The following OLR1 variants were observed in gnomAD, a reference collection of about 807,000 sequenced individuals.
OLR1 encodes oxidized low-density lipoprotein receptor 1.
In OLR1, 23 loss-of-function variants were observed where a neutral mutation model predicts 31.7. The ratio of observed to expected loss-of-function variants is 0.72; its 90% confidence interval spans 0.52 to 1.03. OLR1 has a LOEUF of 1.03. Ranked by LOEUF, OLR1 falls within the 50% of genes least tolerant of loss-of-function variation. The pLI is 0.00. For synonymous variants in OLR1, 117 were observed against 115.8 expected, an observed-to-expected ratio of 1.01 and a Z score of -0.07; for missense variants, 286 against 315.7, an observed-to-expected ratio of 0.91 and a Z score of 0.71.
intron 3 of OLR1, among the ~76,000 whole-genome samples, chr12:10,165,882 G>A (rs1247784019): frequency 6.6e-6 from 1 of 152,132 alleles, no homozygotes; most frequent in Non-Finnish European, 1.5e-5. Context: ...ATTTTTCAAG[G>A]ATTTGACACA....
rs1948598279 is a variant in OLR1, at chr12:10,159,130, C to G, written c.*750G>C. On this transcript the variant is annotated 3_prime_UTR_variant, in exon 6 of 6. Coordinates refer to ENST00000309539, the MANE Select transcript of OLR1 (RefSeq NM_002543.4). ...ACACATCCCATGATTCTAACAAGAA[C>G]TGTTGTGAAGGGTTAAATCTATTAA... 1 of 152,020 alleles carries G rather than the reference C, an allele frequency of 6.6e-6. No homozygotes were observed. Among genetic ancestry groups the G allele is most frequent in the Non-Finnish European group, 1.5e-5 (1 of 68,022 alleles). The allele number at this position is 152,020 out of a possible 1,614,324, so 9.4% of individuals were successfully genotyped here.
chr12:10,161,942 T>TA, intron 3 of OLR1, among the ~76,000 whole-genome samples: 1 of 46,334 alleles, frequency 2.2e-5, no homozygotes, highest in East Asian at 3.3e-4. Flanking sequence ...TATATATATA[T>TA]ATAAAAAACA....
Position 10,169,194 on chromosome 12 carries a change from G to A in OLR1, c.77-19C>T. Reference sequence around the variant, plus strand: ...TGAAGACCTAGAGTGACAGAGGATAGAATCAGAAAGACAAAAAAGAGTGAA... The same window carrying A: ...TGAAGACCTAGAGTGACAGAGGATAAAATCAGAAAGACAAAAAAGAGTGAA... On this transcript the variant is annotated intron_variant, in intron 1 of 5. Coordinates refer to ENST00000309539, the MANE Select transcript of OLR1 (RefSeq NM_002543.4). 1 of 1,563,344 alleles carries A rather than the reference G, an allele frequency of 6.4e-7. No homozygotes were observed. The highest frequency in any genetic ancestry group is 1.4e-5 in the African/African-American group (1 of 73,098).
At position 10,159,063 on chromosome 12, in the gene OLR1, T is replaced by A. The variant is rs1235616621; in HGVS notation, c.*817A>T. On this transcript the variant is annotated 3_prime_UTR_variant, in exon 6 of 6. Transcript: ENST00000309539. Reference sequence around the variant, plus strand: ...TTGAGAAGAGTTCATCTACAAAAGGTATGTTCTTTAGGGAAAGAAATTCTA... The same window carrying A: ...TTGAGAAGAGTTCATCTACAAAAGGAATGTTCTTTAGGGAAAGAAATTCTA... 1 of 152,180 alleles carries A rather than the reference T, an allele frequency of 6.6e-6. No individual in the cohort carries two copies. Among genetic ancestry groups the A allele is most frequent in the East Asian group, 1.9e-4 (1 of 5,200 alleles). 9.4% of individuals were successfully genotyped at this position (152,180 alleles called of 1,614,324 possible).
At chr12:10,172,173 T>G (rs988608557), upstream of OLR1, 4 of 779,906 alleles carry the variant, frequency 5.1e-6, no homozygotes, top group Non-Finnish European at 6.6e-6. Flanking sequence ...AAATAGCTAC[T>G]GTTATCTAAT....
At chr12:10,170,951 T>C (rs1948710310) in intron 1 of OLR1, 1 of 152,140 alleles carries the variant, frequency 6.6e-6, no homozygotes, top group African/African-American at 2.4e-5. Flanking sequence ...TTTCCAATCA[T>C]AAACCAATCC....
rs1483526888 is a variant in OLR1, at chr12:10,159,032, A to G, written c.*848T>C. On this transcript the variant is annotated 3_prime_UTR_variant, in exon 6 of 6. Transcript: ENST00000309539. ...TGTTTCGGAATTATAGCATAGCAAA[A>G]CAGAGTTGAGAAGAGTTCATCTACA... The G allele has an allele frequency of 1.3e-5, 2 of 152,192 alleles. No homozygotes were observed. The highest frequency in any genetic ancestry group is 2.4e-5 in the African/African-American group (1 of 41,444). 9.4% of individuals were successfully genotyped at this position (152,192 alleles called of 1,614,324 possible).
chr12:10,159,954 C>T lies in OLR1; in HGVS notation c.748G>A (p.Ala250Thr). ...AAAATGCAGTTTTCCGCATAAACAG[C>T]TCCTCGTTGTATATATGCACAGGTA... Reference protein sequence around the residue: ...SGTCAYIQRGAVYAENCILAA... With the variant: ...SGTCAYIQRGTVYAENCILAA... The change falls in exon 6 of 6, where the codon GCT becomes ACT. Residue 250 changes from alanine to threonine, a missense_variant. Transcript: ENST00000309539. 3.1e-6 allele frequency: 5 copies of T among 1,614,018 alleles called. No homozygotes were observed. The highest frequency in any genetic ancestry group is 4.2e-6 in the Non-Finnish European group (5 of 1,179,946).
chr12:10,160,090 CTT>C, intron 5 of OLR1, 69 bp from the exon 6 acceptor site: 1 of 1,526,602 alleles, frequency 6.6e-7, no homozygotes, highest in Non-Finnish European at 8.8e-7. Flanking sequence ...GTTTCAGAAA[CTT>C]AGCTTTTGAA....
Position 10,166,780 on chromosome 12 carries a change from T to C in OLR1, c.356A>G (p.Glu119Gly). The C allele has an allele frequency of 1.2e-6, 2 of 1,614,016 alleles. No homozygotes were observed. The highest frequency in any genetic ancestry group is 1.7e-6 in the Non-Finnish European group (2 of 1,180,008). Residue 119 changes from glutamate to glycine, a missense_variant, in exon 3 of 6, where the codon GAG (glutamate) becomes GGG (glycine). Transcript: ENST00000309539. Reference sequence around the variant, plus strand: ...ATTCTGGTGGTGAAGTTCCATTTGCTCTTTGGATTTCTCATTCAGCTTCCG... The same window carrying C: ...ATTCTGGTGGTGAAGTTCCATTTGCCCTTTGGATTTCTCATTCAGCTTCCG... ...LARKLNEKSKEQMELHHQNLN... is the reference protein window; with the variant it reads ...LARKLNEKSKGQMELHHQNLN...
upstream of OLR1, among the ~76,000 whole-genome samples, chr12:10,174,989 G>C (rs1014747609): frequency 6.6e-6 from 1 of 152,090 alleles, no homozygotes; most frequent in Non-Finnish European, 1.5e-5. Flanking sequence ...TCCATTGATG[G>C]ACGTTTGGGT....
chr12:10,163,715 G>A (rs1346892149), intron 3 of OLR1, among the ~76,000 whole-genome samples: 1 of 151,932 alleles, frequency 6.6e-6, no homozygotes, highest in Non-Finnish European at 1.5e-5. Context: ...GGTGGATCAC[G>A]AGATCAGGGG....
chr12:10,167,700 G>T (rs1166336241), intron 2 of OLR1: 2 of 151,950 alleles, frequency 1.3e-5, no homozygotes, highest in African/African-American at 4.8e-5. Flanking sequence ...TAAGAACTGT[G>T]ACATACACCC....
At chr12:10,163,703 T>G (rs11053650) in intron 3 of OLR1, among the ~76,000 whole-genome samples, 64,745 of 151,288 alleles carry the variant, frequency 0.43, 16,164 homozygotes, top group Middle Eastern at 0.58. Context: ...GAGGCCAAGG[T>G]GGGTGGATCA....
At position 10,159,707 on chromosome 12, in the gene OLR1, T is replaced by C; in HGVS notation, c.*173A>G. 1.9e-6 allele frequency: 1 copy of C among 522,148 alleles called. No individual in the cohort carries two copies. The highest frequency in any genetic ancestry group is 3.4e-6 in the Non-Finnish European group (1 of 297,668). 32.3% of individuals were successfully genotyped at this position (522,148 alleles called of 1,614,324 possible). ...TAATACAGGTAGCTAGAATCAAAAA[T>C]GTTGACATAAAGGTGCCAGGCTCCT... is the stretch of plus-strand genomic sequence containing the variant. On this transcript the variant is annotated 3_prime_UTR_variant, in exon 6 of 6. Transcript: ENST00000309539.
chr12:10,171,353 GATTATGAATTAATTTATA>G (rs1315783897), intron 1 of OLR1, among the ~76,000 whole-genome samples: 1 of 152,150 alleles, frequency 6.6e-6, no homozygotes, highest in African/African-American at 2.4e-5. Context: ...GTGGAATTGG[GATTATGAATTAATTTATA>G]GCTATGCAAT....
Position 10,169,127 on chromosome 12 carries a change from A to G in OLR1, c.125T>C (p.Leu42Pro), listed in dbSNP as rs1163080524. Residue 42 changes from leucine (L) to proline (P), a missense_variant, in exon 2 of 6, where the codon CTA becomes CCA. Leu to Pro is a moderately conservative substitution (Grantham distance 98). Coordinates refer to ENST00000309539, the MANE Select transcript of OLR1 (RefSeq NM_002543.4). ...TACTAATCCCAGGCAAAGGACCCCTAGAGTCGCAGCAGCCAGGCACCACCA... is the reference window on the plus strand; with the variant it reads ...TACTAATCCCAGGCAAAGGACCCCTGGAGTCGCAGCAGCCAGGCACCACCA... ...SPWWCLAAAT[L>P]GVLCLGLVVT... The G allele has an allele frequency of 6.2e-7, 1 of 1,614,026 alleles. No individual in the cohort carries two copies. Among genetic ancestry groups the G allele is most frequent in the Admixed American group, 1.7e-5 (1 of 59,974 alleles).
intron 1 of OLR1, 73 bp downstream of exon 1, chr12:10,171,929 T>C: frequency 8.8e-7 from 1 of 1,130,042 alleles, no homozygotes; most frequent in Non-Finnish European, 1.3e-6. Context: ...TCTAATCCCA[T>C]TCTTCGGTGA....
At chr12:10,160,505 G>T in intron 4 of OLR1, 43 bp from the exon 5 acceptor site, 1 of 1,467,272 alleles carries the variant, frequency 6.8e-7, no homozygotes, top group Non-Finnish European at 9.5e-7. Context: ...TCCACATGGT[G>T]GTTTTAGAAT....
Sources: allele counts gnomAD v4.1 joint callset (sites outside exome capture counted in the v4.1 genomes callset), GRCh38; gene constraint gnomAD v4.1.1; transcripts MANE v1.5; gene names NCBI Gene and HGNC (gene_info 2026-07-23, HGNC 2026-07-21).